ZNF722: variants seen among roughly 807,000 people sequenced by gnomAD.
ZNF722 encodes zinc finger protein 479 pseudogene.
the ZNF722 span, chr7:64,014,933 C>T: frequency 1.1e-6 from 1 of 940,966 alleles, no homozygotes; most frequent in Non-Finnish European, 1.6e-6. Context: ...TGCCATTTTG[C>T]TAGTGTGCCT....
At chr7:64,008,722 T>C in the ZNF722 span, among the ~76,000 whole-genome samples, 1 of 152,236 alleles carries the variant, frequency 6.6e-6, no homozygotes, top group Non-Finnish European at 1.5e-5. Flanking sequence ...GTCTTGGCAA[T>C]GTGGGCTCTT....
the ZNF722 span, among the ~76,000 whole-genome samples, chr7:64,003,049 G>T: frequency 3.4e-4 from 52 of 152,308 alleles, no homozygotes; most frequent in African/African-American, 1.2e-3. Context: ...ATTGCGAAAA[G>T]CAGGGCCAAG....
chr7:64,004,332 T>G, the ZNF722 span, among the ~76,000 whole-genome samples: 3 of 145,590 alleles, frequency 2.1e-5, no homozygotes, highest in Admixed American at 2.1e-4. Context: ...TTGCTTGAAC[T>G]CAGGAGGTGG....
chr7:64,014,717 G>T, the ZNF722 span, among the ~76,000 whole-genome samples: 1 of 152,136 alleles, frequency 6.6e-6, no homozygotes, highest in Non-Finnish European at 1.5e-5. Flanking sequence ...TGTCATTAAA[G>T]ACACCATGTT....
At chr7:64,011,385 A>T in the ZNF722 span, among the ~76,000 whole-genome samples, 2 of 152,144 alleles carry the variant, frequency 1.3e-5, no homozygotes, top group Non-Finnish European at 2.9e-5. Flanking sequence ...AGTGGCTGGT[A>T]CCGGTTGTTC....
At chr7:64,001,920 AT>A in the ZNF722 span, among the ~76,000 whole-genome samples, 2 of 151,890 alleles carry the variant, frequency 1.3e-5, no homozygotes, top group Non-Finnish European at 2.9e-5. Flanking sequence ...GTCTCACTCT[AT>A]TGCCCAGGCT....
the ZNF722 span, among the ~76,000 whole-genome samples, chr7:64,014,769 GCAGA>G: frequency 6.6e-6 from 1 of 152,104 alleles, no homozygotes; most frequent in Non-Finnish European, 1.5e-5. Context: ...GGCAAATGTA[GCAGA>G]CTTTTCTTTT....
At chr7:64,003,571 C>A in the ZNF722 span, among the ~76,000 whole-genome samples, 1 of 152,256 alleles carries the variant, frequency 6.6e-6, no homozygotes, top group South Asian at 2.1e-4. Flanking sequence ...CTGTTTGGAA[C>A]TTGCAAATTT....
chr7:64,010,194 C>A, the ZNF722 span, among the ~76,000 whole-genome samples: 2 of 152,114 alleles, frequency 1.3e-5, no homozygotes, highest in Non-Finnish European at 2.9e-5. Flanking sequence ...AAAAAGCCAG[C>A]TCCTGGATTC....
At chr7:64,015,285 A>G in the ZNF722 span, 1 of 1,248,980 alleles carries the variant, frequency 8.0e-7, no homozygotes, top group Non-Finnish European at 1.2e-6. Flanking sequence ...AAATTGCAAT[A>G]GACATGAAAC....
chr7:63,998,871 G>C, the ZNF722 span: 1 of 1,417,810 alleles, frequency 7.1e-7, no homozygotes, highest in South Asian at 1.2e-5. Context: ...TCTGCGTCCC[G>C]AGCTCCAGTT....
the ZNF722 span, among the ~76,000 whole-genome samples, chr7:64,007,230 GTATATA>G: frequency 4.1e-3 from 566 of 138,498 alleles, 14 homozygotes; most frequent in East Asian, 0.016. Flanking sequence ...GTTTGTGTGT[GTATATA>G]TATATATATA....
At chr7:64,015,619 C>G in the ZNF722 span, 1 of 1,613,246 alleles carries the variant, frequency 6.2e-7, no homozygotes, top group Non-Finnish European at 8.5e-7. Context: ...TCAACACTTA[C>G]TAACCACAAG....
chr7:64,007,130 T>A, the ZNF722 span, among the ~76,000 whole-genome samples: 1 of 151,274 alleles, frequency 6.6e-6, no homozygotes, highest in Non-Finnish European at 1.5e-5. Flanking sequence ...TGATGTAAGG[T>A]AATTTTGTTT....
chr7:64,005,880 GA>G, the ZNF722 span: 1 of 798,782 alleles, frequency 1.3e-6, no homozygotes, highest in Non-Finnish European at 1.9e-6. Flanking sequence ...GTGTAGAACA[GA>G]TTCTTCACGA....
chr7:64,015,780 A>G, the ZNF722 span: 6 of 1,612,378 alleles, frequency 3.7e-6, no homozygotes, highest in Admixed American at 8.3e-5. Context: ...CTGCTCCTCA[A>G]CCCTTAAGAC....
chr7:64,003,810 G>A, the ZNF722 span, among the ~76,000 whole-genome samples: 1,162 of 152,278 alleles, frequency 7.6e-3, 12 homozygotes, highest in African/African-American at 0.026. Context: ...ATGAGAAGGT[G>A]TAAATACTCA....
the ZNF722 span, among the ~76,000 whole-genome samples, chr7:64,010,086 G>A: frequency 2.0e-5 from 3 of 151,780 alleles, no homozygotes; most frequent in African/African-American, 4.8e-5. Flanking sequence ...ATCGGTGGTG[G>A]TATCCCCTTT....
the ZNF722 span, among the ~76,000 whole-genome samples, chr7:64,000,754 A>AT: frequency 6.7e-6 from 1 of 148,350 alleles, no homozygotes; most frequent in Non-Finnish European, 1.5e-5. Flanking sequence ...CCCAGCCTGC[A>AT]TTTTTCAACT....
Sources: allele counts gnomAD v4.1 joint callset (sites outside exome capture counted in the v4.1 genomes callset), GRCh38; gene constraint gnomAD v4.1.1; transcripts MANE v1.5; gene names NCBI Gene and HGNC (gene_info 2026-07-23, HGNC 2026-07-21).